Variants in EXD3 observed in about 807,000 individuals in gnomAD.
The protein encoded by EXD3 is exonuclease 3'-5' domain containing 3.
Under a neutral mutation model 98.0 loss-of-function variants are expected in EXD3, and 92 were observed. That is an observed-to-expected ratio of 0.94 (90% CI 0.79 to 1.12). EXD3 has a LOEUF of 1.12. Among genes scored for constraint, EXD3 ranks in the 50% most tolerant of loss-of-function variants. The pLI, the probability that EXD3 is intolerant of heterozygous loss-of-function variation, is 0.00. For synonymous variants in EXD3, 569 were observed against 526.0 expected (o/e 1.08, Z -1.12); for missense variants, 1,222 against 1,191.6 (o/e 1.03, Z -0.38).
intron 1 of EXD3, among the ~76,000 whole-genome samples, chr9:137,397,062 C>T (rs577217536): frequency 2.0e-5 from 3 of 152,338 alleles, no homozygotes; most frequent in Non-Finnish European, 4.4e-5. Flanking sequence ...TCCCAGGACC[C>T]GCGGCCCCAG....
chr9:137,335,637 G>A (rs1160420831), intron 17 of EXD3, among the ~76,000 whole-genome samples: 11 of 152,092 alleles, frequency 7.2e-5, no homozygotes, highest in South Asian at 4.2e-4. Flanking sequence ...CCAAGATCGC[G>A]CCATTGCACT....
At chr9:137,392,986 C>T (rs1287753181) in intron 2 of EXD3, 68 of 580,788 alleles carry the variant, frequency 1.2e-4, no homozygotes, top group Non-Finnish European at 1.8e-4. Context: ...CAGGGGGCAC[C>T]GAGGCTGTTC....
chr9:137,341,013 A>G (rs1588296994), intron 17 of EXD3, among the ~76,000 whole-genome samples: 1 of 152,362 alleles, frequency 6.6e-6, no homozygotes, highest in East Asian at 1.9e-4. Context: ...ACATCGTGGC[A>G]TCACGTAAAA....
chr9:137,404,146 G>C (rs1250384623), intron 1 of EXD3, among the ~76,000 whole-genome samples: 1 of 152,176 alleles, frequency 6.6e-6, no homozygotes, highest in Non-Finnish European at 1.5e-5. Flanking sequence ...TACTGGATTA[G>C]GGCCCACCCC....
At chr9:137,350,027 G>A (rs1428823591) in intron 14 of EXD3, among the ~76,000 whole-genome samples, 3 of 148,456 alleles carry the variant, frequency 2.0e-5, no homozygotes, top group Non-Finnish European at 4.5e-5. Context: ...GTGCTAGATA[G>A]AGAGGGGTGG....
chr9:137,314,537 C>T (rs1831535965), intron 19 of EXD3, among the ~76,000 whole-genome samples: 1 of 152,120 alleles, frequency 6.6e-6, no homozygotes, highest in Admixed American at 6.5e-5. Flanking sequence ...CCTAAGGCCC[C>T]GGGAACGTCT....
Position 137,323,717 on chromosome 9 carries a change from G to A in EXD3, c.2184+8C>T, listed in dbSNP as rs775224421. The A allele has an allele frequency of 1.1e-5, 18 of 1,611,598 alleles. No individual in the cohort carries two copies. Among genetic ancestry groups the A allele is most frequent in the Admixed American group, 1.7e-5 (1 of 59,962 alleles). ...AGCCCCAGGTAGGACGGGGTGCGCA[G>A]GACCCACCTGGCAGCGGCTGAAGAT... On this transcript the variant is annotated splice_region_variant and intron_variant, in intron 19 of 21. Transcript: ENST00000340951.
Position 137,383,523 on chromosome 9 carries a change from G to C in EXD3, c.56-146C>G, listed in dbSNP as rs1836429847. On this transcript the variant is annotated intron_variant, in intron 2 of 21. Coordinates refer to ENST00000340951, the MANE Select transcript of EXD3 (RefSeq NM_017820.5). ...CGGGAACCCTCCCCCACCTCTGTCTGGCACACACACAACACACCTGCCAGC... is the reference window on the plus strand; with the variant it reads ...CGGGAACCCTCCCCCACCTCTGTCTCGCACACACACAACACACCTGCCAGC... 6.7e-6 allele frequency: 4 copies of C among 595,070 alleles called. No individual in the cohort carries two copies. In the Admixed American group the frequency reaches 1.2e-4, roughly 18 times the overall value. The allele number at this position is 595,070 out of a possible 1,614,324, so 36.9% of individuals were successfully genotyped here.
intron 21 of EXD3, 85 bp downstream of exon 21, chr9:137,307,523 A>G: frequency 3.2e-6 from 5 of 1,539,884 alleles, no homozygotes; most frequent in Non-Finnish European, 4.4e-6. Flanking sequence ...CCCGGCCGGG[A>G]CCCAAGTCCC....
intron 7 of EXD3, chr9:137,365,971 CACAG>C (rs1835227755): frequency 3.8e-6 from 2 of 531,056 alleles, no homozygotes; most frequent in Non-Finnish European, 7.2e-6. Flanking sequence ...CACGTGCACA[CACAG>C]AGACACACAC....
chr9:137,307,616 T>A lies in EXD3; in HGVS notation c.2309A>T (p.Gln770Leu). Residue 770 changes from glutamine (Q) to leucine (L), a missense_variant, in exon 21 of 22, where the codon CAG becomes CTG. Coordinates refer to ENST00000340951, the MANE Select transcript of EXD3 (RefSeq NM_017820.5). The stretch of plus-strand genomic sequence containing the variant: ...GCGGTCCCGGGGCTCACCTGGCTCC[T>A]GCACCGCCTGGCTCTGGGTGGCCTC... ...GDEATQSQAV[Q>L]EPGPAPDAAP... 1 of 1,610,192 alleles carries A rather than the reference T, an allele frequency of 6.2e-7. No individual in the cohort carries two copies. Among genetic ancestry groups the A allele is most frequent in the East Asian group, 2.2e-5 (1 of 44,856 alleles).
chr9:137,321,135 G>A (rs1427895839), intron 19 of EXD3, among the ~76,000 whole-genome samples: 2 of 152,258 alleles, frequency 1.3e-5, no homozygotes, highest in African/African-American at 4.8e-5. Flanking sequence ...GATCCGAGCC[G>A]AGCCGGAGCT....
chr9:137,308,947 G>A (rs1003705804), intron 20 of EXD3, among the ~76,000 whole-genome samples: 2 of 152,150 alleles, frequency 1.3e-5, no homozygotes, highest in African/African-American at 4.8e-5. Flanking sequence ...GCCCAGCCTG[G>A]ACTGACCTCT....
intron 1 of EXD3, among the ~76,000 whole-genome samples, chr9:137,409,882 AT>A (rs1215638083): frequency 1.3e-5 from 2 of 152,152 alleles, no homozygotes; most frequent in African/African-American, 4.8e-5. Flanking sequence ...TCCACTTAAA[AT>A]TAACAACTGC....
chr9:137,353,687 A>C, intron 10 of EXD3: 1 of 985,648 alleles, frequency 1.0e-6, no homozygotes, highest in Non-Finnish European at 1.2e-6. Context: ...TGCAGGGCCC[A>C]GCACAAGCGA....
intron 1 of EXD3, among the ~76,000 whole-genome samples, chr9:137,397,017 G>A (rs955673570): frequency 1.3e-5 from 2 of 152,214 alleles, no homozygotes; most frequent in Admixed American, 6.5e-5. Context: ...GGGCTGCTGG[G>A]GCAGTGAGTG....
chr9:137,355,502 AG>A (rs1434939300), intron 8 of EXD3, among the ~76,000 whole-genome samples: 1 of 126,080 alleles, frequency 7.9e-6, no homozygotes, highest in African/African-American at 3.3e-5. Flanking sequence ...TGGAGGAAGG[AG>A]GAAGGAGGAA....
Position 137,371,377 on chromosome 9 carries a change from TG to T in EXD3, c.462+1527del, listed in dbSNP as rs1312749626. On this transcript the variant is annotated intron_variant, in intron 5 of 21. Transcript: ENST00000340951. The surrounding 1 kb of genome is among the most constrained non-coding windows in gnomAD (Gnocchi z 8.0). Reference sequence around the variant, plus strand: ...GCGTGGCAGGTGACAGCGCCAGGGGTGGGGCCCGCGCGGCCCACACAGGGGA... The same window carrying T: ...GCGTGGCAGGTGACAGCGCCAGGGGTGGGCCCGCGCGGCCCACACAGGGGA... Among the ~76,000 whole-genome samples, 1 of 151,678 alleles carries T rather than the reference TG, an allele frequency of 6.6e-6. No individual in the cohort carries two copies. Among genetic ancestry groups the T allele is most frequent in the Non-Finnish European group, 1.5e-5 (1 of 67,862 alleles).
At chr9:137,351,736 G>C (rs1414393376) in intron 12 of EXD3, among the ~76,000 whole-genome samples, 1 of 152,220 alleles carries the variant, frequency 6.6e-6, no homozygotes, top group Non-Finnish European at 1.5e-5. Flanking sequence ...AGAGAGGGAG[G>C]CCTGGCTGTT....
Sources: allele counts gnomAD v4.1 joint callset (sites outside exome capture counted in the v4.1 genomes callset), GRCh38; gene constraint gnomAD v4.1.1; non-coding constraint Gnocchi (gnomAD v3.1); transcripts MANE v1.5; gene names NCBI Gene and HGNC (gene_info 2026-07-23, HGNC 2026-07-21).